GALNT13: variants seen among roughly 807,000 people sequenced by gnomAD.
GALNT13 encodes UDP-GalNAc:polypeptide N-acetylgalactosaminyltransferase 13.
In GALNT13, 28 loss-of-function variants were observed where a neutral mutation model predicts 64.2. The ratio of observed to expected loss-of-function variants is 0.44; its 90% CI spans 0.32 to 0.60. The LOEUF (loss-of-function observed/expected upper bound fraction) is 0.60. GALNT13 is among the 20% of genes least tolerant of loss of function. The pLI is 0.05. For synonymous variants in GALNT13, 214 were observed against 224.6 expected (o/e 0.95, Z 0.42); for missense variants, 577 against 669.8 (o/e 0.86, Z 1.53).
chr2:154,033,037 CATT>C (rs1255414523), intron 3 of GALNT13, among the ~76,000 whole-genome samples: 1 of 151,462 alleles, frequency 6.6e-6, no homozygotes, highest in African/African-American at 2.4e-5. Flanking sequence ...AAACCTATAC[CATT>C]ATTATTAATT....
chr2:154,155,939 T>C (rs1305349266), intron 4 of GALNT13, among the ~76,000 whole-genome samples: 1 of 152,018 alleles, frequency 6.6e-6, no homozygotes, highest in Non-Finnish European at 1.5e-5. Context: ...AAATATATTT[T>C]CTACATATAT....
chr2:154,156,987 A>G (rs925483047), intron 4 of GALNT13, among the ~76,000 whole-genome samples: 1 of 152,174 alleles, frequency 6.6e-6, no homozygotes, highest in Non-Finnish European at 1.5e-5. Flanking sequence ...CTTAAGTTAA[A>G]TACTTAAATC....
chr2:153,336,671 T>C, the GALNT13 span, among the ~76,000 whole-genome samples: 4 of 152,216 alleles, frequency 2.6e-5, no homozygotes, highest in East Asian at 1.9e-4. Flanking sequence ...AATGAGACTT[T>C]GGACTGTGGA....
At chr2:153,717,716 A>G in the GALNT13 span, among the ~76,000 whole-genome samples, 2 of 152,222 alleles carry the variant, frequency 1.3e-5, no homozygotes, top group Non-Finnish European at 2.9e-5. Flanking sequence ...TTTCATTAAC[A>G]TGCTGAGTTT....
chr2:153,971,250 G>A (rs1033766043), intron 3 of GALNT13, among the ~76,000 whole-genome samples: 1 of 151,936 alleles, frequency 6.6e-6, no homozygotes, highest in African/African-American at 2.4e-5. Context: ...TATTTGAAAA[G>A]GTAAATTGTT....
intron 3 of GALNT13, among the ~76,000 whole-genome samples, chr2:154,024,119 C>T (rs1433978627): frequency 3.3e-5 from 5 of 152,108 alleles, no homozygotes; most frequent in African/African-American, 1.2e-4. Context: ...TCTCTGGCTG[C>T]CCTTAACATT....
chr2:154,192,761 G>C (rs1047308888), intron 4 of GALNT13, among the ~76,000 whole-genome samples: 1 of 152,154 alleles, frequency 6.6e-6, no homozygotes, highest in African/African-American at 2.4e-5. Flanking sequence ...GGTTTTCAGA[G>C]TAAAAATCTA....
At chr2:153,121,926 T>C in the GALNT13 span, among the ~76,000 whole-genome samples, 1 of 152,242 alleles carries the variant, frequency 6.6e-6, no homozygotes, top group African/African-American at 2.4e-5. Flanking sequence ...TATTTGATTC[T>C]TCTATACATA....
chr2:153,169,187 A>G, the GALNT13 span, among the ~76,000 whole-genome samples: 114,200 of 152,158 alleles, frequency 0.75, 43,557 homozygotes, highest in African/African-American at 0.89. Flanking sequence ...GGTCAATAGC[A>G]TAATAAAATT....
the GALNT13 span, among the ~76,000 whole-genome samples, chr2:153,754,344 T>C: frequency 6.6e-6 from 1 of 151,772 alleles, no homozygotes; most frequent in African/African-American, 2.4e-5. Flanking sequence ...ACCCTCAATG[T>C]AGTACCTGGG....
At chr2:154,073,091 G>A (rs979861706) in intron 3 of GALNT13, among the ~76,000 whole-genome samples, 13 of 151,898 alleles carry the variant, frequency 8.6e-5, no homozygotes, top group African/African-American at 3.1e-4. Flanking sequence ...AGGAAGTAGT[G>A]GTTAAAATTT....
chr2:153,795,823 AAAG>A, the GALNT13 span, among the ~76,000 whole-genome samples: 1 of 152,218 alleles, frequency 6.6e-6, no homozygotes, highest in African/African-American at 2.4e-5. Flanking sequence ...CTACTATATC[AAAG>A]AAGAGAGAGC....
chr2:154,159,959 A>G (rs1684638728), intron 4 of GALNT13, among the ~76,000 whole-genome samples: 1 of 152,202 alleles, frequency 6.6e-6, no homozygotes, highest in African/African-American at 2.4e-5. Context: ...AATTATGCTT[A>G]GAAAGTAAAT....
At chr2:153,719,800 G>C in the GALNT13 span, among the ~76,000 whole-genome samples, 1 of 151,576 alleles carries the variant, frequency 6.6e-6, no homozygotes, top group African/African-American at 2.4e-5. Flanking sequence ...CACCTGGCTC[G>C]GAGGGTCCTA....
the GALNT13 span, among the ~76,000 whole-genome samples, chr2:153,125,366 C>T: frequency 4.5e-3 from 588 of 131,768 alleles, 6 homozygotes; most frequent in African/African-American, 0.014. Context: ...CATTACTGAA[C>T]TGATTTTGAA....
the GALNT13 span, among the ~76,000 whole-genome samples, chr2:153,824,571 G>T: frequency 7.2e-5 from 11 of 152,270 alleles, no homozygotes; most frequent in African/African-American, 2.2e-4. Context: ...GATCGATAGA[G>T]TAAACATTGA....
the GALNT13 span, among the ~76,000 whole-genome samples, chr2:153,611,968 G>C: frequency 6.6e-6 from 1 of 151,538 alleles, no homozygotes; most frequent in Admixed American, 6.6e-5. Flanking sequence ...TTGGTTTTCC[G>C]TTCCTGTGTT....
the GALNT13 span, among the ~76,000 whole-genome samples, chr2:153,249,398 A>C: frequency 6.6e-6 from 1 of 152,062 alleles, no homozygotes; most frequent in Non-Finnish European, 1.5e-5. Context: ...AATGGGAAAA[A>C]ATTTCATGCT....
chr2:153,477,216 G>C, the GALNT13 span: 1 of 152,358 alleles, frequency 6.6e-6, no homozygotes, highest in Non-Finnish European at 1.5e-5. Flanking sequence ...CCCTCCAGGG[G>C]ATCCACAAGT....
Sources: gnomAD v4.1 joint callset for allele counts (sites outside exome capture counted in the v4.1 genomes callset) on GRCh38, gnomAD v4.1.1 for gene constraint, MANE v1.5 for transcripts, NCBI Gene and HGNC (gene_info 2026-07-23, HGNC 2026-07-21) for gene names.